CSE1L: variants seen among roughly 807,000 people sequenced by gnomAD.
CSE1L encodes chromosome segregation 1 like, also known as exportin-2.
Under a neutral mutation model 120.4 loss-of-function variants are expected in CSE1L, and 24 were observed. That is an observed-to-expected ratio of 0.20 (90% CI 0.14 to 0.28). The LOEUF (loss-of-function observed/expected upper bound fraction) is 0.28, where lower values mean the gene tolerates loss of function less well. Among genes scored for constraint, CSE1L ranks in the 10% least tolerant of loss-of-function variants. The probability of loss-of-function intolerance (pLI) is 1.00; values close to 1 mark genes in which losing one functional copy is unlikely to be tolerated. For missense variants in CSE1L, 830 were observed against 1,145.2 expected (o/e 0.72, Z 3.97); for synonymous variants, 402 against 398.3 (o/e 1.01, Z -0.11).
At chr20:49,055,542 C>A (rs1213738475) in intron 1 of CSE1L, among the ~76,000 whole-genome samples, 1 of 151,928 alleles carries the variant, frequency 6.6e-6, no homozygotes, top group Non-Finnish European at 1.5e-5. Flanking sequence ...TATGGTGAAA[C>A]CCCATCTCTA....
intron 16 of CSE1L, among the ~76,000 whole-genome samples, chr20:49,085,890 A>C (rs2092052507): frequency 6.6e-6 from 1 of 151,992 alleles, no homozygotes; most frequent in South Asian, 2.1e-4. Context: ...TTGATATGGA[A>C]CTTCTCATTA....
At position 49,070,347 on chromosome 20, in the gene CSE1L, T is replaced by A. The variant is rs148155049; in HGVS notation, c.768+50T>A. On this transcript the variant is annotated intron_variant, in intron 8 of 24. Coordinates refer to ENST00000262982, the MANE Select transcript of CSE1L (RefSeq NM_001316.4). The stretch of plus-strand genomic sequence containing the variant: ...GTGGTCTTTTTCTTTCATTAAGAGT[T>A]ATTTGGCTACAGTCTGGAAACCTAT... 115 of 874,100 alleles carry A rather than the reference T, an allele frequency of 1.3e-4. 1 individual carries two copies. The East Asian group carries it at 2.9e-3, about 22-fold the overall frequency. 54.1% of individuals were successfully genotyped at this position (874,100 alleles called of 1,614,324 possible).
At chr20:49,086,371 T>G (rs938394673) in intron 16 of CSE1L, among the ~76,000 whole-genome samples, 1 of 143,074 alleles carries the variant, frequency 7.0e-6, no homozygotes, top group African/African-American at 2.7e-5. Context: ...TTTTTTTTTT[T>G]TTTTTTTTTT....
intron 3 of CSE1L, 91 bp from the exon 4 acceptor site, chr20:49,066,101 G>A (rs2123692265): frequency 9.3e-7 from 1 of 1,073,610 alleles, no homozygotes; most frequent in Non-Finnish European, 1.4e-6. Flanking sequence ...TAGAAAATTA[G>A]TAAATAAAAA....
At chr20:49,066,656 C>T in intron 5 of CSE1L, 146 bp downstream of exon 5, 4 of 714,762 alleles carry the variant, frequency 5.6e-6, no homozygotes, top group Non-Finnish European at 6.8e-6. Flanking sequence ...GCGTTTGTTT[C>T]TTCTCAACTA....
chr20:49,058,566 T>A lies in CSE1L; in HGVS notation c.85+18T>A. 1 of 1,601,606 alleles carries A rather than the reference T, an allele frequency of 6.2e-7. No individual in the cohort carries two copies. The highest frequency in any genetic ancestry group is 8.6e-7 in the Non-Finnish European group (1 of 1,169,426). ...ACGTCCAGGTAAAGAAAATAAACGT[T>A]TTTTGGTTGATTAATTCCTTCAGGA... On this transcript the variant is annotated intron_variant, in intron 2 of 24. Transcript: ENST00000262982.
At chr20:49,095,011 G>C in intron 24 of CSE1L, 48 bp downstream of exon 24, 1 of 1,412,578 alleles carries the variant, frequency 7.1e-7, no homozygotes, top group South Asian at 1.2e-5. Context: ...ACTTTAATGG[G>C]AGGGCAAAAG....
chr20:49,046,719 G>A (rs2091714131), intron 1 of CSE1L, among the ~76,000 whole-genome samples: 1 of 152,266 alleles, frequency 6.6e-6, no homozygotes, highest in South Asian at 2.1e-4. Flanking sequence ...CGGATTGCCC[G>A]CCCTTTCCTC....
At chr20:49,065,586 ATTTTTTTTTT>A (rs1169151375) in intron 3 of CSE1L, among the ~76,000 whole-genome samples, 5 of 76,322 alleles carry the variant, frequency 6.6e-5, no homozygotes, top group South Asian at 1.0e-3. Context: ...TAAAATGGAA[ATTTTTTTTTT>A]TTTTTTTTTT....
chr20:49,082,970 C>T (rs2092025170), intron 14 of CSE1L, among the ~76,000 whole-genome samples: 1 of 152,034 alleles, frequency 6.6e-6, no homozygotes, highest in African/African-American at 2.4e-5. Context: ...CGGGCATGCT[C>T]CACCGTACCC....
intron 6 of CSE1L, among the ~76,000 whole-genome samples, chr20:49,067,707 A>G (rs1045060037): frequency 5.9e-5 from 9 of 151,762 alleles, no homozygotes; most frequent in Admixed American, 2.0e-4. Flanking sequence ...ATCCTATAAG[A>G]TTTAAAGAAA....
At chr20:49,061,415 A>G (rs1007576866) in intron 2 of CSE1L, among the ~76,000 whole-genome samples, 4 of 150,810 alleles carry the variant, frequency 2.7e-5, no homozygotes, top group African/African-American at 7.3e-5. Flanking sequence ...CTCGTGATCC[A>G]CCCGCCTCAG....
In CSE1L at chr20:49,084,177, C is replaced by G. The variant is rs1190842930; in HGVS notation, c.1619+15C>G. 6.2e-7 allele frequency: 1 copy of G among 1,612,986 alleles called. No homozygotes were observed. The highest frequency in any genetic ancestry group is 2.2e-5 in the East Asian group (1 of 44,858). ...AATGCCACTCTGTGAGTATTTTATT[C>G]TAAAGTTTTTTAGCCTGGGGTAGGG... On this transcript the variant is annotated intron_variant, in intron 15 of 24. Transcript: ENST00000262982.
chr20:49,046,692 G>T (rs981233382), intron 1 of CSE1L, among the ~76,000 whole-genome samples: 1 of 152,242 alleles, frequency 6.6e-6, no homozygotes, highest in African/African-American at 2.4e-5. Flanking sequence ...ACTGAGGCGC[G>T]GCCTAACGCG....
At position 49,066,508 on chromosome 20, in the gene CSE1L, A is replaced by G; in HGVS notation, c.474A>G (p.Lys158=). Residue 158 remains lysine, a splice_region_variant and synonymous_variant, in exon 5 of 25, where the codon AAA becomes AAG. Transcript: ENST00000262982. ...GVLRTAHSLF[K]RYRHEFKSNE... is the part of the protein sequence containing the mutation. The stretch of plus-strand genomic sequence containing the variant: ...TCCGTACAGCACATTCATTATTTAA[A>G]AGGTATTGATGCATAGATTCATGTT... 3 of 1,609,928 alleles carry G rather than the reference A, an allele frequency of 1.9e-6. No homozygotes were observed. The highest frequency in any genetic ancestry group is 1.7e-6 in the Non-Finnish European group (2 of 1,178,122).
chr20:49,056,812 G>T (rs1446563085), intron 1 of CSE1L, among the ~76,000 whole-genome samples: 1 of 150,894 alleles, frequency 6.6e-6, no homozygotes, highest in South Asian at 2.1e-4. Context: ...TTGTATAATG[G>T]CTAAATCAAG....
In CSE1L at chr20:49,074,176, AGTGTGTGTGTGTGTGTGT is replaced by A. The variant is rs71184254; in HGVS notation, c.1067-584_1067-567del. Among the ~76,000 whole-genome samples, 65 of 115,456 alleles carry A rather than the reference AGTGTGTGTGTGTGTGTGT, an allele frequency of 5.6e-4. No individual in the cohort carries two copies. In the East Asian group the frequency reaches 7.5e-3, roughly 13 times the overall value. The allele number at this position is 115,456 out of a possible 152,430, so 75.7% of individuals were successfully genotyped here. On this transcript the variant is annotated intron_variant, in intron 10 of 24. Transcript: ENST00000262982. ...CAGTGAGACATGATCATACAACTGCAGTGTGTGTGTGTGTGTGTGTGTGTGTGTGTGTGTGTGTGTGTA... is the reference window on the plus strand; with the variant it reads ...CAGTGAGACATGATCATACAACTGCAGTGTGTGTGTGTGTGTGTGTGTGTA...
chr20:49,071,963 G>A lies in CSE1L; in HGVS notation c.769-323G>A, dbSNP rs547747101. 2.0e-3 allele frequency among the ~76,000 whole-genome samples: 166 copies of A among 81,736 alleles called. 1 individual carries two copies. Among genetic ancestry groups the A allele is most frequent in the Non-Finnish European group, 3.0e-3 (144 of 48,234 alleles). The allele number at this position is 81,736 out of a possible 152,430, so 53.6% of individuals were successfully genotyped here. A position where few individuals can be genotyped will look rare whatever the true frequency, so the allele number is the denominator to read the frequency against. ...AGCCTGGGCAACAGAGGGAGACTGC[G>A]TCTCAAAAAAAAAAAAAAAAAACCA... On this transcript the variant is annotated intron_variant, in intron 8 of 24. Transcript: ENST00000262982.
intron 16 of CSE1L, 119 bp from the exon 17 acceptor site, chr20:49,087,890 G>T: frequency 3.2e-6 from 2 of 619,852 alleles, no homozygotes; most frequent in Middle Eastern, 4.2e-4. Flanking sequence ...CTATCTCGGG[G>T]TTGTCTAAGC....
Sources: gnomAD v4.1 joint callset for allele counts (sites outside exome capture counted in the v4.1 genomes callset) on GRCh38, gnomAD v4.1.1 for gene constraint, MANE v1.5 for transcripts, NCBI Gene and HGNC (gene_info 2026-07-23, HGNC 2026-07-21) for gene names.